The following VSTM2A variants were observed in gnomAD, a reference collection of about 807,000 sequenced individuals.
The protein encoded by VSTM2A is V-set and transmembrane domain-containing protein 2A.
In VSTM2A, 13 loss-of-function variants were observed where a neutral mutation model predicts 27.3. The ratio of observed to expected loss-of-function variants is 0.48; its 90% CI spans 0.31 to 0.76. VSTM2A has a LOEUF of 0.76. Among genes scored for constraint, VSTM2A ranks in the 30% least tolerant of loss-of-function variants. VSTM2A has a pLI of 0.05. For synonymous variants in VSTM2A, 142 were observed against 125.7 expected (o/e 1.13, Z -0.87); for missense variants, 280 against 310.0 (o/e 0.90, Z 0.73).
intron 4 of VSTM2A, among the ~76,000 whole-genome samples, chr7:54,568,442 C>T (rs1004333468): frequency 6.6e-6 from 1 of 152,018 alleles, no homozygotes; most frequent in Admixed American, 6.5e-5. Context: ...AAGAATGCAA[C>T]ACTACAATTT....
At position 54,546,841 on chromosome 7, in the gene VSTM2A, A is replaced by C. The variant is rs879084268; in HGVS notation, c.247-106A>C. ...CGCCCCTGGTCGCTCCCCTGTCCCC[A>C]GGTCACCCTGACGGCCCTGCCCGGA... On this transcript the variant is annotated intron_variant, in intron 2 of 4. Coordinates refer to ENST00000402613, the MANE Select transcript of VSTM2A (RefSeq NM_001301009.2). 17 of 1,432,858 alleles carry C rather than the reference A, an allele frequency of 1.2e-5. No homozygotes were observed. The South Asian group carries it at 1.5e-4, about 13-fold the overall frequency. The allele number at this position is 1,432,858 out of a possible 1,614,324, so 88.8% of individuals were successfully genotyped here. A position where few individuals can be genotyped will look rare whatever the true frequency, so the allele number is the denominator to read the frequency against.
intron 3 of VSTM2A, among the ~76,000 whole-genome samples, chr7:54,547,619 GAA>G (rs1178908570): frequency 2.0e-5 from 3 of 152,078 alleles, no homozygotes; most frequent in South Asian, 2.1e-4. Flanking sequence ...TTTAAAAAGT[GAA>G]AGTCTTATTT....
At chr7:54,566,470 A>T (rs547062843) in intron 4 of VSTM2A, among the ~76,000 whole-genome samples, 1 of 152,352 alleles carries the variant, frequency 6.6e-6, no homozygotes, top group South Asian at 2.1e-4. Context: ...AGCAAAAGAA[A>T]ATACTGCTGA....
Position 54,569,369 on chromosome 7 carries a change from A to T in VSTM2A, c.*150A>T. On this transcript the variant is annotated 3_prime_UTR_variant, in exon 5 of 5. Coordinates refer to ENST00000402613, the MANE Select transcript of VSTM2A (RefSeq NM_001301009.2). ...AGAACGTTTTCTAATAGCAAGATCT[A>T]TTTTTTCCCTTTTCTTTCGGCGACT... The T allele has an allele frequency of 7.3e-7, 1 of 1,367,904 alleles. No homozygotes were observed. Among genetic ancestry groups the T allele is most frequent in the South Asian group, 1.5e-5 (1 of 66,570 alleles). The allele number at this position is 1,367,904 out of a possible 1,614,324, so 84.7% of individuals were successfully genotyped here.
At chr7:54,549,767 G>A (rs1485280721) in intron 3 of VSTM2A, 67 bp from the exon 4 acceptor site, 1 of 1,414,710 alleles carries the variant, frequency 7.1e-7, no homozygotes, top group East Asian at 2.4e-5. Flanking sequence ...AGCAAGCTCA[G>A]GGTAAAAAAT....
intron 4 of VSTM2A, among the ~76,000 whole-genome samples, chr7:54,565,703 C>T (rs1187891680): frequency 6.6e-6 from 1 of 152,234 alleles, no homozygotes; most frequent in East Asian, 1.9e-4. Context: ...CACACCATTT[C>T]CGCCAGACTG....
chr7:54,546,832 C>G, intron 2 of VSTM2A, 115 bp from the exon 3 acceptor site: 1 of 1,432,182 alleles, frequency 7.0e-7, no homozygotes, highest in Non-Finnish European at 9.4e-7. Flanking sequence ...TGGTCGCTCC[C>G]CTGTCCCCAG....
chr7:54,567,068 A>C (rs1788747186), intron 4 of VSTM2A, among the ~76,000 whole-genome samples: 1 of 152,222 alleles, frequency 6.6e-6, no homozygotes, highest in Non-Finnish European at 1.5e-5. Context: ...GGGCCTACAA[A>C]GATGAAGTAC....
intron 4 of VSTM2A, chr7:54,557,882 G>T (rs1055915710): frequency 1.2e-4 from 19 of 152,150 alleles, no homozygotes; most frequent in Non-Finnish European, 2.4e-4. Context: ...GTGTGGAAGT[G>T]ATGGGTTGAG....
chr7:54,546,056 G>C (rs1787952884), intron 2 of VSTM2A: 1 of 139,392 alleles, frequency 7.2e-6, no homozygotes, highest in Non-Finnish European at 1.6e-5. Context: ...ACAGAAGGGA[G>C]AGAGGGAAGG....
intron 4 of VSTM2A, among the ~76,000 whole-genome samples, chr7:54,565,709 G>A (rs1261611905): frequency 1.3e-5 from 2 of 152,252 alleles, no homozygotes; most frequent in Non-Finnish European, 2.9e-5. Context: ...ATTTCCGCCA[G>A]ACTGCGAGGC....
intron 3 of VSTM2A, among the ~76,000 whole-genome samples, chr7:54,547,571 A>G (rs1788043446): frequency 6.6e-6 from 1 of 152,118 alleles, no homozygotes; most frequent in Admixed American, 6.5e-5. Flanking sequence ...TTATAGTTCC[A>G]CTCTCTTGCT....
intron 4 of VSTM2A, among the ~76,000 whole-genome samples, chr7:54,554,433 G>C (rs1584055405): frequency 6.6e-6 from 1 of 152,026 alleles, no homozygotes; most frequent in East Asian, 1.9e-4. Context: ...ACTCATTTCT[G>C]TAGATCCAGA....
chr7:54,547,103 C>T, intron 3 of VSTM2A, 106 bp downstream of exon 3: 1 of 1,352,194 alleles, frequency 7.4e-7, no homozygotes, highest in Non-Finnish European at 9.8e-7. Context: ...GCCGGACAGC[C>T]GGGTGCCCCT....
intron 4 of VSTM2A, among the ~76,000 whole-genome samples, chr7:54,553,281 C>T (rs1343062812): frequency 1.3e-5 from 2 of 152,192 alleles, no homozygotes; most frequent in Non-Finnish European, 2.9e-5. Flanking sequence ...TTGAATTCTA[C>T]CTCCATTTAG....
rs1434010769 is a variant in VSTM2A at position 54,569,656 on chromosome 7, T to G, written c.*437T>G. On this transcript the variant is annotated 3_prime_UTR_variant, in exon 5 of 5. Coordinates refer to ENST00000402613, the MANE Select transcript of VSTM2A (RefSeq NM_001301009.2). ...AAAGAAATTTTTTTATTTTCCCCTTTTTTTCTTGGATTTTTCTTCTTTTTC... is the reference window on the plus strand; with the variant it reads ...AAAGAAATTTTTTTATTTTCCCCTTGTTTTCTTGGATTTTTCTTCTTTTTC... The G allele has an allele frequency of 6.3e-6, 1 of 157,888 alleles. No homozygotes were observed. Among genetic ancestry groups the G allele is most frequent in the Non-Finnish European group, 1.4e-5 (1 of 71,676 alleles). 9.8% of individuals were successfully genotyped at this position (157,888 alleles called of 1,614,324 possible).
At chr7:54,542,871 A>G in intron 1 of VSTM2A, 62 bp downstream of exon 1, 1 of 1,464,430 alleles carries the variant, frequency 6.8e-7, no homozygotes, top group Admixed American at 1.7e-5. Context: ...CCTACACTCA[A>G]AAAGAATGGA....
intron 2 of VSTM2A, 149 bp from the exon 3 acceptor site, chr7:54,546,798 C>T (rs1788006712): frequency 1.2e-6 from 1 of 856,616 alleles, no homozygotes; most frequent in South Asian, 1.7e-5. Flanking sequence ...GCGGTCTGGG[C>T]CTGGACAGGG....
chr7:54,565,613 G>A (rs754484878), intron 4 of VSTM2A, among the ~76,000 whole-genome samples: 48 of 152,332 alleles, frequency 3.2e-4, no homozygotes, highest in Non-Finnish European at 5.7e-4. Flanking sequence ...AGGCAGTGAC[G>A]CGGAAGCAGG....
Sources: allele counts gnomAD v4.1 joint callset (sites outside exome capture counted in the v4.1 genomes callset), GRCh38; gene constraint gnomAD v4.1.1; transcripts MANE v1.5; gene names NCBI Gene and HGNC (gene_info 2026-07-23, HGNC 2026-07-21).